The following KIAA1217 variants were observed in gnomAD, a reference collection of about 807,000 sequenced individuals.
The protein encoded by KIAA1217 is KIAA1217.
A neutral mutation model predicts 163.9 loss-of-function variants in KIAA1217; 88 were observed. The observed-to-expected ratio is 0.54, with a 90% CI of 0.45 to 0.64. The LOEUF (loss-of-function observed/expected upper bound fraction) is 0.64. Ranked by LOEUF, KIAA1217 falls within the 30% of genes least tolerant of loss-of-function variation. The pLI, the probability that KIAA1217 is intolerant of heterozygous loss-of-function variation, is 0.00. For synonymous variants in KIAA1217, 903 were observed against 923.1 expected (o/e 0.98, Z 0.39); for missense variants, 2,372 against 2,475.0 (o/e 0.96, Z 0.88).
chr10:23,773,642 G>A (rs1254071571), intron 1 of KIAA1217, among the ~76,000 whole-genome samples: 2 of 152,116 alleles, frequency 1.3e-5, no homozygotes, highest in African/African-American at 4.8e-5. Flanking sequence ...ATTTCCTTGA[G>A]CAGTGGTTTG....
intron 1 of KIAA1217, among the ~76,000 whole-genome samples, chr10:23,999,392 C>T (rs1846640440): frequency 1.3e-5 from 2 of 152,162 alleles, no homozygotes; most frequent in Non-Finnish European, 2.9e-5. Context: ...AATTAAGGAG[C>T]AGGAGCAATG....
Position 24,403,165 on chromosome 10 carries a change from C to T in KIAA1217, c.553+22098C>T, listed in dbSNP as rs78103215. On this transcript the variant is annotated intron_variant, in intron 3 of 20. Coordinates refer to ENST00000376454, the MANE Select transcript of KIAA1217 (RefSeq NM_019590.5). ...TGTAGCATTGTGAAGATTTCTTAGA[C>T]GTGACAGCAGAAACATGTTCCATAA... 4.2e-3 allele frequency among the ~76,000 whole-genome samples: 646 copies of T among 152,214 alleles called. 2 individuals carry two copies. The highest frequency in any genetic ancestry group is 0.014 in the African/African-American group (588 of 41,526).
intron 2 of KIAA1217, among the ~76,000 whole-genome samples, chr10:24,311,679 T>C (rs981755508): frequency 6.6e-6 from 1 of 152,166 alleles, no homozygotes; most frequent in African/African-American, 2.4e-5. Context: ...CAGTGACCTC[T>C]GCATTTGAGC....
At chr10:24,307,221 C>A (rs528704766) in intron 2 of KIAA1217, among the ~76,000 whole-genome samples, 1 of 152,154 alleles carries the variant, frequency 6.6e-6, no homozygotes, top group Non-Finnish European at 1.5e-5. Context: ...GACTGACTTG[C>A]GAATATGATT....
intron 1 of KIAA1217, among the ~76,000 whole-genome samples, chr10:23,759,026 C>T (rs1834099356): frequency 6.6e-6 from 1 of 152,082 alleles, no homozygotes; most frequent in African/African-American, 2.4e-5. Flanking sequence ...GTATTGACGT[C>T]TTAATAGGTT....
At chr10:24,141,910 AT>A (rs2064101552) in intron 2 of KIAA1217, among the ~76,000 whole-genome samples, 2 of 151,278 alleles carry the variant, frequency 1.3e-5, no homozygotes, top group East Asian at 3.9e-4. Flanking sequence ...TCTAAATTTT[AT>A]TTTTCAGCCT....
intron 1 of KIAA1217, among the ~76,000 whole-genome samples, chr10:23,716,083 C>T (rs968079415): frequency 6.6e-6 from 1 of 152,098 alleles, no homozygotes; most frequent in Non-Finnish European, 1.5e-5. Context: ...TTTACGGAAG[C>T]GTTCTGACTA....
At chr10:24,018,553 CATA>C (rs138180112) in intron 2 of KIAA1217, among the ~76,000 whole-genome samples, 72,283 of 149,640 alleles carry the variant, frequency 0.48, 18,545 homozygotes, top group Middle Eastern at 0.66. Context: ...AAACTTAAAG[CATA>C]ATAATAATAA....
intron 2 of KIAA1217, among the ~76,000 whole-genome samples, chr10:24,281,077 G>A (rs940036991): frequency 5.9e-5 from 9 of 152,240 alleles, no homozygotes; most frequent in Admixed American, 1.3e-4. Context: ...ACTTTGATGT[G>A]TATTTAAAAT....
intron 4 of KIAA1217, among the ~76,000 whole-genome samples, chr10:24,434,615 C>T (rs959528064): frequency 4.6e-5 from 7 of 152,258 alleles, no homozygotes; most frequent in South Asian, 4.1e-4. Flanking sequence ...GGATTATAGG[C>T]GTGGGCCACC....
At chr10:23,970,658 A>C (rs923635683) in intron 1 of KIAA1217, among the ~76,000 whole-genome samples, 2 of 152,232 alleles carry the variant, frequency 1.3e-5, no homozygotes, top group Non-Finnish European at 2.9e-5. Flanking sequence ...CACACACACA[A>C]AAATGATAAC....
chr10:24,373,513 G>T (rs1424162452), intron 2 of KIAA1217, among the ~76,000 whole-genome samples: 3 of 152,146 alleles, frequency 2.0e-5, no homozygotes, highest in Non-Finnish European at 2.9e-5. Flanking sequence ...AGGCTTGGAA[G>T]TTTCCCAGGA....
At chr10:24,346,416 G>A (rs904276490) in intron 2 of KIAA1217, among the ~76,000 whole-genome samples, 4 of 151,912 alleles carry the variant, frequency 2.6e-5, no homozygotes, top group Non-Finnish European at 4.4e-5. Flanking sequence ...AGCTTGCAGT[G>A]AGCCGAGATC....
intron 1 of KIAA1217, among the ~76,000 whole-genome samples, chr10:23,795,946 T>C (rs1193455485): frequency 6.6e-6 from 1 of 152,236 alleles, no homozygotes; most frequent in East Asian, 1.9e-4. Context: ...TTGTTTGCTT[T>C]ATCAAATTGT....
intron 1 of KIAA1217, among the ~76,000 whole-genome samples, chr10:23,930,371 T>A (rs1470417605): frequency 2.0e-5 from 3 of 152,220 alleles, no homozygotes; most frequent in African/African-American, 7.2e-5. Context: ...TCTTATATAG[T>A]TATTATCTAA....
intron 1 of KIAA1217, among the ~76,000 whole-genome samples, chr10:23,834,226 T>G (rs898676271): frequency 1.3e-5 from 2 of 152,216 alleles, no homozygotes; most frequent in Non-Finnish European, 2.9e-5. Flanking sequence ...CAGATCTTAT[T>G]ATGTTTTGAA....
chr10:24,422,404 C>T (rs886896503), intron 3 of KIAA1217, among the ~76,000 whole-genome samples: 5 of 152,096 alleles, frequency 3.3e-5, no homozygotes, highest in Non-Finnish European at 7.3e-5. Flanking sequence ...ATAGCATATT[C>T]GTAATTAGAA....
intron 2 of KIAA1217, among the ~76,000 whole-genome samples, chr10:24,258,924 G>C (rs1030834002): frequency 1.3e-5 from 2 of 152,116 alleles, no homozygotes; most frequent in African/African-American, 2.4e-5. Context: ...ACAGCTGCCT[G>C]TTGACCTGGT....
chr10:24,139,525 T>C (rs1455048651), intron 2 of KIAA1217, among the ~76,000 whole-genome samples: 2 of 152,186 alleles, frequency 1.3e-5, no homozygotes, highest in Admixed American at 6.5e-5. Flanking sequence ...ATTCTTACTC[T>C]TTTCAATCAT....
Sources: gnomAD v4.1 joint callset for allele counts (sites outside exome capture counted in the v4.1 genomes callset) on GRCh38, gnomAD v4.1.1 for gene constraint, MANE v1.5 for transcripts, NCBI Gene and HGNC (gene_info 2026-07-23, HGNC 2026-07-21) for gene names.